Variants in ARB2A observed in about 807,000 individuals in gnomAD.
The protein encoded by ARB2A is cotranscriptional regulator ARB2A.
the ARB2A span, among the ~76,000 whole-genome samples, chr5:93,796,675 C>T: frequency 6.6e-6 from 1 of 152,146 alleles, no homozygotes; most frequent in African/African-American, 2.4e-5. Context: ...AACTTCTATT[C>T]AACTAACTTT....
At chr5:93,794,315 C>T in the ARB2A span, among the ~76,000 whole-genome samples, 2 of 151,932 alleles carry the variant, frequency 1.3e-5, no homozygotes, top group Non-Finnish European at 1.5e-5. Context: ...GAAGAACTTT[C>T]CTTTCATATC....
the ARB2A span, among the ~76,000 whole-genome samples, chr5:94,091,845 CAG>C: frequency 6.6e-6 from 1 of 152,136 alleles, no homozygotes; most frequent in East Asian, 1.9e-4. Context: ...TTCTCCTATA[CAG>C]CTTAGCAACA....
chr5:93,933,857 T>C, the ARB2A span, among the ~76,000 whole-genome samples: 1 of 151,988 alleles, frequency 6.6e-6, no homozygotes, highest in South Asian at 2.1e-4. Flanking sequence ...AATATAAAAA[T>C]TAGCCAGGAG....
the ARB2A span, among the ~76,000 whole-genome samples, chr5:94,047,882 C>T: frequency 9.2e-5 from 14 of 152,028 alleles, no homozygotes; most frequent in African/African-American, 3.4e-4. Context: ...AGCAACCTGT[C>T]CAAGTGAGCT....
the ARB2A span, among the ~76,000 whole-genome samples, chr5:93,965,661 C>T: frequency 0.011 from 1,731 of 151,930 alleles, 37 homozygotes; most frequent in African/African-American, 0.04. Context: ...TTTCTCCACC[C>T]CAAAATGTCT....
At chr5:93,843,783 T>C in the ARB2A span, among the ~76,000 whole-genome samples, 1 of 151,842 alleles carries the variant, frequency 6.6e-6, no homozygotes, top group Non-Finnish European at 1.5e-5. Flanking sequence ...GAAGAAGATA[T>C]GAAAAATAGG....
chr5:93,854,443 G>A, the ARB2A span, among the ~76,000 whole-genome samples: 1 of 151,978 alleles, frequency 6.6e-6, no homozygotes, highest in South Asian at 2.1e-4. Context: ...GGTTTTTTGT[G>A]TCTCTATTTC....
At chr5:93,805,358 G>T in the ARB2A span, 1 of 985,072 alleles carries the variant, frequency 1.0e-6, no homozygotes, top group Non-Finnish European at 1.2e-6. Context: ...GTTTTTACCA[G>T]CTATTTTACC....
chr5:93,771,196 C>A, the ARB2A span, among the ~76,000 whole-genome samples: 10 of 150,960 alleles, frequency 6.6e-5, no homozygotes, highest in African/African-American at 2.2e-4. Flanking sequence ...GAAAAACAAG[C>A]AATGGGGAAA....
the ARB2A span, among the ~76,000 whole-genome samples, chr5:94,040,735 T>G: frequency 6.6e-6 from 1 of 152,096 alleles, no homozygotes; most frequent in African/African-American, 2.4e-5. Context: ...TCCATTCCCT[T>G]TCTTATCTTT....
At chr5:93,904,064 CAGAGAAGTA>C in the ARB2A span, among the ~76,000 whole-genome samples, 6 of 151,668 alleles carry the variant, frequency 4.0e-5, no homozygotes, top group Non-Finnish European at 5.9e-5. Flanking sequence ...TAACTCATGG[CAGAGAAGTA>C]TTTGAAAGGA....
the ARB2A span, among the ~76,000 whole-genome samples, chr5:93,995,564 T>C: frequency 1.3e-5 from 2 of 152,210 alleles, no homozygotes; most frequent in Non-Finnish European, 2.9e-5. Flanking sequence ...GTTTATTTTA[T>C]TGGTAAGGCT....
the ARB2A span, among the ~76,000 whole-genome samples, chr5:93,819,079 A>G: frequency 6.8e-6 from 1 of 147,634 alleles, no homozygotes; most frequent in Non-Finnish European, 1.5e-5. Context: ...CCAGCTACAC[A>G]GGAGGCTGAG....
At chr5:93,830,319 A>G in the ARB2A span, among the ~76,000 whole-genome samples, 10,230 of 25,138 alleles carry the variant, frequency 0.41, 945 homozygotes, top group East Asian at 0.55. Context: ...GTGTATATAT[A>G]TATATATATA....
the ARB2A span, among the ~76,000 whole-genome samples, chr5:93,833,346 C>A: frequency 4.6e-5 from 7 of 152,150 alleles, no homozygotes; most frequent in Non-Finnish European, 8.8e-5. Flanking sequence ...TTTCAGGAAT[C>A]CAGCTTCTAA....
At chr5:93,849,002 C>G in the ARB2A span, among the ~76,000 whole-genome samples, 1 of 152,168 alleles carries the variant, frequency 6.6e-6, no homozygotes, top group Non-Finnish European at 1.5e-5. Context: ...GATTAAATTA[C>G]TTTTAGCAAT....
chr5:93,701,136 C>T, the ARB2A span, among the ~76,000 whole-genome samples: 1 of 152,146 alleles, frequency 6.6e-6, no homozygotes, highest in East Asian at 1.9e-4. Context: ...ATCAAAATAA[C>T]AGAATCTGTC....
At chr5:94,081,077 T>A in the ARB2A span, among the ~76,000 whole-genome samples, 1 of 152,190 alleles carries the variant, frequency 6.6e-6, no homozygotes, top group East Asian at 1.9e-4. Context: ...AAAAAGCACA[T>A]AAAAGATGCT....
the ARB2A span, among the ~76,000 whole-genome samples, chr5:94,019,938 C>A: frequency 8.5e-5 from 13 of 152,146 alleles, no homozygotes; most frequent in Non-Finnish European, 1.5e-4. Flanking sequence ...CACTGAGTAC[C>A]TGTTCATTCA....
Sources: allele counts gnomAD v4.1 joint callset (sites outside exome capture counted in the v4.1 genomes callset), GRCh38; gene constraint gnomAD v4.1.1; transcripts MANE v1.5; gene names NCBI Gene and HGNC (gene_info 2026-07-23, HGNC 2026-07-21).